Variants in KIAA1217 observed in about 807,000 individuals in gnomAD.
KIAA1217 encodes the protein sickle tail protein homolog.
In KIAA1217, 88 loss-of-function variants were observed where a neutral mutation model predicts 163.9. That is an observed-to-expected ratio of 0.54 (90% confidence interval 0.45 to 0.64). The LOEUF is 0.64. KIAA1217 is among the 30% of genes least tolerant of loss of function. The pLI is 0.00. For missense variants in KIAA1217, 2,372 were observed against 2,475.0 expected, an observed-to-expected ratio of 0.96 and a Z score of 0.88; for synonymous variants, 903 against 923.1, an observed-to-expected ratio of 0.98 and a Z score of 0.39.
intron 2 of KIAA1217, among the ~76,000 whole-genome samples, chr10:24,220,443 C>CTTTT (rs1564848812): frequency 5.7e-5 from 7 of 122,108 alleles, no homozygotes; most frequent in African/African-American, 2.8e-4. Flanking sequence ...TGTTTCTGCT[C>CTTTT]TTCTTTTTTT....
intron 4 of KIAA1217, 113 bp from the exon 5 acceptor site, chr10:24,438,273 A>C: frequency 1.4e-6 from 1 of 718,210 alleles, no homozygotes; most frequent in Non-Finnish European, 2.5e-6. Context: ...TACTGTAGAT[A>C]GCCTTTGGAT....
chr10:23,998,826 T>C (rs949704144), intron 1 of KIAA1217, among the ~76,000 whole-genome samples: 1 of 152,224 alleles, frequency 6.6e-6, no homozygotes, highest in African/African-American at 2.4e-5. Flanking sequence ...ATGGTTCGTA[T>C]TGAGCATGGT....
intron 1 of KIAA1217, among the ~76,000 whole-genome samples, chr10:23,855,325 G>A (rs1459624954): frequency 6.6e-6 from 1 of 152,146 alleles, no homozygotes; most frequent in Non-Finnish European, 1.5e-5. Context: ...TTTTCTTTAA[G>A]AATGTTGAAT....
rs539598983 is a variant in KIAA1217, at chr10:24,305,593, T to A, written c.355-75276T>A. On this transcript the variant is annotated intron_variant, in intron 2 of 20. Coordinates refer to ENST00000376454, the MANE Select transcript of KIAA1217 (RefSeq NM_019590.5). ...GGTTATCTTGGCTTATGTGTGGGAA[T>A]GAGCAAAGATAGTCAGCTTGAGCGG... Among the ~76,000 whole-genome samples the A allele has an allele frequency of 1.3e-3, 191 of 152,320 alleles. 1 individual carries two copies. Among genetic ancestry groups the A allele is most frequent in the African/African-American group, 3.9e-3 (161 of 41,580 alleles).
At chr10:24,185,123 T>C (rs2066360438) in intron 2 of KIAA1217, among the ~76,000 whole-genome samples, 1 of 152,214 alleles carries the variant, frequency 6.6e-6, no homozygotes, top group Non-Finnish European at 1.5e-5. Context: ...ATCTCTCATC[T>C]AGAAGGGAAA....
intron 1 of KIAA1217, among the ~76,000 whole-genome samples, chr10:23,985,091 G>A (rs905798271): frequency 4.6e-5 from 7 of 152,072 alleles, no homozygotes; most frequent in African/African-American, 1.2e-4. Flanking sequence ...CTGTATAGAG[G>A]CACTTTTCCA....
chr10:24,341,143 A>C (rs1476422746), intron 2 of KIAA1217, among the ~76,000 whole-genome samples: 1 of 152,206 alleles, frequency 6.6e-6, no homozygotes, highest in Admixed American at 6.5e-5. Context: ...TCACAGTGCA[A>C]AAGGAAAACC....
At chr10:24,312,689 G>A (rs986509289) in intron 2 of KIAA1217, among the ~76,000 whole-genome samples, 1 of 152,088 alleles carries the variant, frequency 6.6e-6, no homozygotes, top group Non-Finnish European at 1.5e-5. Flanking sequence ...GGATGAGAGG[G>A]AGGATTGCTT....
At chr10:24,329,532 CA>C (rs1050191889) in intron 2 of KIAA1217, among the ~76,000 whole-genome samples, 6 of 152,170 alleles carry the variant, frequency 3.9e-5, no homozygotes, top group African/African-American at 1.4e-4. Flanking sequence ...CCTAAAGGGG[CA>C]ATGTACGCTC....
chr10:23,706,894 A>G (rs1426255551), intron 1 of KIAA1217, among the ~76,000 whole-genome samples: 2 of 152,162 alleles, frequency 1.3e-5, no homozygotes, highest in South Asian at 2.1e-4. Context: ...AAAACCCTAA[A>G]TAGATTCTAT....
In KIAA1217 at chr10:23,722,377, T is replaced by G. The variant is rs1837918670; in HGVS notation, c.-321+27143T>G. ...TTAAGATGGTGAGTTTTATGTGTAT[T>G]TACCATAATTTTTAAAATTAAAAAC... On this transcript the variant is annotated intron_variant, in intron 1 of 18. Transcript: ENST00000376462. 1.3e-5 allele frequency among the ~76,000 whole-genome samples: 2 copies of G among 152,162 alleles called. 1 individual carries two copies. Among genetic ancestry groups the G allele is most frequent in the African/African-American group, 4.8e-5 (2 of 41,424 alleles).
intron 6 of KIAA1217, among the ~76,000 whole-genome samples, chr10:24,489,447 C>T (rs1027535128): frequency 6.6e-6 from 1 of 151,774 alleles, no homozygotes; most frequent in African/African-American, 2.4e-5. Flanking sequence ...ATGCTACTGA[C>T]TTGTTTCTTA....
At chr10:24,228,332 C>T (rs1231622146) in intron 2 of KIAA1217, among the ~76,000 whole-genome samples, 2 of 151,812 alleles carry the variant, frequency 1.3e-5, no homozygotes, top group Non-Finnish European at 2.9e-5. Flanking sequence ...TGTCTTAAAG[C>T]TGATGTATTA....
Position 23,878,228 on chromosome 10 carries a change from A to G in KIAA1217, c.-320-128997A>G, listed in dbSNP as rs908684597. Among the ~76,000 whole-genome samples, 58 of 152,026 alleles carry G rather than the reference A, an allele frequency of 3.8e-4. 1 individual carries two copies. The highest frequency in any genetic ancestry group is 1.4e-3 in the African/African-American group (58 of 41,516). On this transcript the variant is annotated intron_variant, in intron 1 of 18. Coordinates refer to the KIAA1217 transcript ENST00000376462. ...GCTTCTCACGTAGAGCACATTCTTT[A>G]TGGAGGCATACTTCTGCACCAAAAT... is the stretch of plus-strand genomic sequence containing the variant.
At chr10:23,827,764 C>G (rs1015562150) in intron 1 of KIAA1217, among the ~76,000 whole-genome samples, 6 of 152,222 alleles carry the variant, frequency 3.9e-5, no homozygotes, top group African/African-American at 1.4e-4. Flanking sequence ...GGTATGATTC[C>G]TGTGTGCACG....
intron 2 of KIAA1217, among the ~76,000 whole-genome samples, chr10:24,020,196 G>A (rs1390675961): frequency 2.6e-5 from 4 of 152,138 alleles, no homozygotes; most frequent in African/African-American, 7.2e-5. Context: ...AGTAGTCCGT[G>A]ACTTTCATTC....
At chr10:24,198,807 GCT>G (rs1426632261) in intron 2 of KIAA1217, among the ~76,000 whole-genome samples, 1 of 152,116 alleles carries the variant, frequency 6.6e-6, no homozygotes, top group Non-Finnish European at 1.5e-5. Flanking sequence ...GCAAACTGGG[GCT>G]TAATAGTTTT....
intron 2 of KIAA1217, among the ~76,000 whole-genome samples, chr10:24,191,756 T>C (rs770110041): frequency 7.2e-5 from 11 of 152,058 alleles, no homozygotes; most frequent in Non-Finnish European, 1.3e-4. Flanking sequence ...GTGTACAAAT[T>C]TACTTTTTAT....
chr10:23,731,737 A>AT (rs60851161), intron 1 of KIAA1217, among the ~76,000 whole-genome samples: 24 of 150,372 alleles, frequency 1.6e-4, no homozygotes, highest in East Asian at 2.0e-4. Context: ...GCTGTAGGGG[A>AT]TTTTTTTTTT....
Sources: gnomAD v4.1 joint callset for allele counts (sites outside exome capture counted in the v4.1 genomes callset) on GRCh38, gnomAD v4.1.1 for gene constraint, MANE v1.5 for transcripts, NCBI Gene and HGNC (gene_info 2026-07-23, HGNC 2026-07-21) for gene names.